The following TACC1 variants were observed in gnomAD, a reference collection of about 807,000 sequenced individuals.
The protein encoded by TACC1 is transforming acidic coiled-coil containing protein 1, also known as transforming acidic coiled-coil-containing protein 1.
TACC1 carries 48 observed loss-of-function variants against 84.4 expected under a neutral mutation model. The observed-to-expected ratio is 0.57, with a 90% CI of 0.45 to 0.72. The LOEUF (loss-of-function observed/expected upper bound fraction) is 0.72. Ranked by LOEUF, TACC1 falls within the 30% of genes least tolerant of loss-of-function variation. The probability of loss-of-function intolerance (pLI) is 0.00; values close to 1 mark genes in which losing one functional copy is unlikely to be tolerated. For missense variants in TACC1, 920 were observed against 973.0 expected, an observed-to-expected ratio of 0.95 and a Z score of 0.72; for synonymous variants, 372 against 376.3, an observed-to-expected ratio of 0.99 and a Z score of 0.13.
intron 9 of TACC1, among the ~76,000 whole-genome samples, chr8:38,841,724 T>G (rs1207890957): frequency 6.6e-6 from 1 of 152,138 alleles, no homozygotes; most frequent in Non-Finnish European, 1.5e-5. Context: ...GCATCCTGTG[T>G]TTTGGTGCAG....
At chr8:38,844,698 G>A (rs960814129) in intron 11 of TACC1, among the ~76,000 whole-genome samples, 17 of 151,920 alleles carry the variant, frequency 1.1e-4, no homozygotes, top group Admixed American at 2.0e-4. Flanking sequence ...TGTCTTTTGC[G>A]TCCACCTATA....
chr8:38,788,369 C>T, intron 1 of TACC1: 1 of 235,022 alleles, frequency 4.3e-6, no homozygotes, highest in African/African-American at 2.3e-5. Context: ...TTGTTAAAGC[C>T]TCTGGGAAAG....
chr8:38,799,679 A>G (rs572760271), intron 2 of TACC1: 47 of 152,336 alleles, frequency 3.1e-4, no homozygotes, highest in African/African-American at 9.9e-4. Context: ...TGTTTCATAT[A>G]CCATACTTGG....
intron 5 of TACC1, among the ~76,000 whole-genome samples, chr8:38,830,398 C>T (rs1376569089): frequency 6.6e-6 from 1 of 152,212 alleles, no homozygotes; most frequent in Non-Finnish European, 1.5e-5. Context: ...CTTCAGCCTC[C>T]CAAGTAGCTG....
intron 3 of TACC1, among the ~76,000 whole-genome samples, chr8:38,750,556 A>G (rs911795661): frequency 1.3e-5 from 2 of 152,154 alleles, no homozygotes; most frequent in African/African-American, 4.8e-5. Context: ...TGTATAGAAA[A>G]CCCTAAGAAA....
At chr8:38,752,512 A>G (rs755978401) in intron 3 of TACC1, among the ~76,000 whole-genome samples, 4 of 151,984 alleles carry the variant, frequency 2.6e-5, no homozygotes, top group Non-Finnish European at 5.9e-5. Context: ...AAAAACCCCA[A>G]AACCAAAAAA....
In TACC1 at chr8:38,843,304, A is replaced by G. The variant is rs781262065; in HGVS notation, c.2137A>G (p.Lys713Glu). Reference sequence around the variant, plus strand: ...TTTGGAACAGAATGAAGAAGCCTTGAAGAAATGTGCTCAGGATTACTTAGC... The same window carrying G: ...TTTGGAACAGAATGAAGAAGCCTTGGAGAAATGTGCTCAGGATTACTTAGC... ...EGFKKNEEAL[K>E]KCAQDYLARV... Residue 713 changes from lysine (K) to glutamate (E), a missense_variant, in exon 11 of 13, where the codon AAG becomes GAG. By Grantham distance (56) the Lys-to-Glu change is moderately conservative. This residue lies in a region of TACC1 where 158 missense variants were observed against 225.6 expected (regional missense o/e 0.70). Coordinates refer to ENST00000317827, the MANE Select transcript of TACC1 (RefSeq NM_006283.3). 6.3e-7 allele frequency: 1 copy of G among 1,597,420 alleles called. No homozygotes were observed. Among genetic ancestry groups the G allele is most frequent in the East Asian group, 2.3e-5 (1 of 44,230 alleles).
At chr8:38,737,348 T>C (rs149814250) in intron 1 of TACC1, among the ~76,000 whole-genome samples, 2 of 152,312 alleles carry the variant, frequency 1.3e-5, no homozygotes, top group African/African-American at 2.4e-5. Context: ...TGATGCAGCA[T>C]GAAAGAAGAA....
chr8:38,843,761 T>G (rs1031155075), intron 11 of TACC1, among the ~76,000 whole-genome samples: 2 of 152,252 alleles, frequency 1.3e-5, no homozygotes, highest in African/African-American at 4.8e-5. Flanking sequence ...CTCTTTTTTT[T>G]CTAATAGCCA....
chr8:38,823,993 T>C (rs200608116), intron 3 of TACC1: 158 of 1,352,116 alleles, frequency 1.2e-4, no homozygotes, highest in Middle Eastern at 4.2e-4. Context: ...GCATCAGGAC[T>C]ACTGAACAAG....
Position 38,809,702 on chromosome 8 carries a change from G to A in TACC1, c.278-9820G>A, listed in dbSNP as rs112901429. On this transcript the variant is annotated intron_variant, in intron 2 of 12. Coordinates refer to ENST00000317827, the MANE Select transcript of TACC1 (RefSeq NM_006283.3). ...AGACTCCTTTCTTTGGGGGCTGTGG[G>A]ACTGATGGTGAAGGAGTCTGGGTAA... Among the ~76,000 whole-genome samples the A allele has an allele frequency of 9.9e-3, 1,504 of 152,266 alleles. 21 individuals are homozygous for A. Among genetic ancestry groups the A allele is most frequent in the African/African-American group, 0.033 (1,371 of 41,548 alleles).
intron 1 of TACC1, among the ~76,000 whole-genome samples, 170 bp downstream of exon 1, chr8:38,787,913 G>C (rs1817665425): frequency 6.6e-6 from 1 of 152,228 alleles, no homozygotes; most frequent in South Asian, 2.1e-4. Flanking sequence ...AGGATCTTCT[G>C]TCCTCCCGTG....
At chr8:38,787,149 C>A, upstream of TACC1, 2 of 984,212 alleles carry the variant, frequency 2.0e-6, no homozygotes, top group Non-Finnish European at 2.4e-6. Flanking sequence ...CCCCCGCGCG[C>A]GCGCGCGAGT....
At chr8:38,839,213 A>G in intron 8 of TACC1, 1 of 376,434 alleles carries the variant, frequency 2.7e-6, no homozygotes, top group Non-Finnish European at 4.7e-6. Context: ...AAAATTAATT[A>G]TGCATGAGAG....
chr8:38,752,353 C>T (rs1229898284), intron 3 of TACC1, among the ~76,000 whole-genome samples: 3 of 152,004 alleles, frequency 2.0e-5, no homozygotes, highest in African/African-American at 7.3e-5. Flanking sequence ...TGCCTGTAGT[C>T]GCAGCTACTC....
Position 38,730,478 on chromosome 8 carries a change from G to A in TACC1, c.-675+1807G>A, listed in dbSNP as rs116103023. Among the ~76,000 whole-genome samples the A allele has an allele frequency of 3.6e-3, 548 of 152,300 alleles. 2 individuals carry two copies. Among genetic ancestry groups the A allele is most frequent in the African/African-American group, 0.012 (513 of 41,552 alleles). On this transcript the variant is annotated intron_variant, in intron 1 of 14. Coordinates refer to the TACC1 transcript ENST00000518415. ...CCTTTATGATAACAGATTACTTATT[G>A]AGCCAGGCATGGGGCTGAGCACATT... is the stretch of plus-strand genomic sequence containing the variant.
At chr8:38,825,959 T>C (rs947479470) in intron 4 of TACC1, among the ~76,000 whole-genome samples, 8 of 152,224 alleles carry the variant, frequency 5.3e-5, no homozygotes, top group African/African-American at 1.9e-4. Flanking sequence ...AAAATTGATG[T>C]TGACCTTTGT....
intron 5 of TACC1, 76 bp from the exon 6 acceptor site, chr8:38,831,049 G>A (rs1487922820): frequency 1.2e-5 from 17 of 1,381,386 alleles, no homozygotes; most frequent in Non-Finnish European, 1.6e-5. Flanking sequence ...CTGCACTGGG[G>A]TTTCCAAGAG....
At position 38,766,816 on chromosome 8, in the gene TACC1, GA is replaced by G. The variant is rs1812343511; in HGVS notation, c.26+21325del. Among the ~76,000 whole-genome samples the G allele has an allele frequency of 3.3e-5, 5 of 152,156 alleles. No individual in the cohort carries two copies. The South Asian group carries it at 1.0e-3, about 32-fold the overall frequency. ...CACAGAGCTAGGTTTCAGTCCTGATGAACCTGGCTGAAGCAGAGGACACAAA... is the reference window on the plus strand; with the variant it reads ...CACAGAGCTAGGTTTCAGTCCTGATGACCTGGCTGAAGCAGAGGACACAAA... On this transcript the variant is annotated intron_variant, in intron 3 of 14. Coordinates refer to the TACC1 transcript ENST00000518415.
Sources: allele counts gnomAD v4.1 joint callset (sites outside exome capture counted in the v4.1 genomes callset), GRCh38; gene constraint gnomAD v4.1.1; regional missense constraint gnomAD v4.1.1; transcripts MANE v1.5; gene names NCBI Gene and HGNC (gene_info 2026-07-23, HGNC 2026-07-21).